ZNF331: variants seen among roughly 807,000 people sequenced by gnomAD.
The protein encoded by ZNF331 is zinc finger protein 331.
ZNF331 carries 2 observed loss-of-function variants against 7.0 expected under a neutral mutation model. The observed-to-expected ratio is 0.29, with a 90% confidence interval of 0.12 to 0.90. The LOEUF (loss-of-function observed/expected upper bound fraction) is 0.90. Ranked by LOEUF, ZNF331 falls within the 40% of genes least tolerant of loss-of-function variation. The probability of loss-of-function intolerance (pLI) is 0.58; values close to 1 mark genes in which losing one functional copy is unlikely to be tolerated. For synonymous variants in ZNF331, 196 were observed against 205.4 expected, an observed-to-expected ratio of 0.95 and a Z score of 0.39; for missense variants, 432 against 587.7, an observed-to-expected ratio of 0.74 and a Z score of 2.74.
At chr19:53,505,852 G>A in the ZNF331 span, among the ~76,000 whole-genome samples, 3 of 151,816 alleles carry the variant, frequency 2.0e-5, no homozygotes, top group African/African-American at 7.3e-5. Flanking sequence ...GGGCGTGGTG[G>A]TGGGCACCTG....
At chr19:53,544,728 T>C (rs1217740522) in intron 2 of ZNF331, among the ~76,000 whole-genome samples, 1 of 151,986 alleles carries the variant, frequency 6.6e-6, no homozygotes, top group South Asian at 2.1e-4. Flanking sequence ...GATACTGTAC[T>C]GCAGTTTTGT....
In ZNF331 at chr19:53,571,179, C is replaced by A. The variant is rs904479029; in HGVS notation, c.10-425C>A. ...TACAGGCGTGAGCCCCCCGCCCAGCCCCAGCAAACCCTATTTTCTAAAATA... is the reference window on the plus strand; with the variant it reads ...TACAGGCGTGAGCCCCCCGCCCAGCACCAGCAAACCCTATTTTCTAAAATA... On this transcript the variant is annotated intron_variant, in intron 4 of 5. Transcript: ENST00000449416. The surrounding 1 kb of genome is among the most constrained non-coding windows in gnomAD (Gnocchi z 4.7). Among the ~76,000 whole-genome samples, 2 of 152,200 alleles carry A rather than the reference C, an allele frequency of 1.3e-5. No homozygotes were observed. Among genetic ancestry groups the A allele is most frequent in the African/African-American group, 2.4e-5 (1 of 41,452 alleles).
the ZNF331 span, among the ~76,000 whole-genome samples, chr19:53,505,406 C>T: frequency 6.6e-6 from 1 of 152,124 alleles, no homozygotes; most frequent in Non-Finnish European, 1.5e-5. Flanking sequence ...GCCATGTTTC[C>T]CAGGCTGGTC....
At chr19:53,524,832 C>T (rs982987671) in intron 2 of ZNF331, among the ~76,000 whole-genome samples, 2 of 152,130 alleles carry the variant, frequency 1.3e-5, no homozygotes, top group African/African-American at 4.8e-5. Context: ...GTCCTGAAGT[C>T]CTTGCCCATG....
At chr19:53,534,041 G>A (rs1295428505), upstream of ZNF331, among the ~76,000 whole-genome samples, 33 of 152,206 alleles carry the variant, frequency 2.2e-4, 1 homozygote, top group Admixed American at 2.2e-3. Flanking sequence ...GGTGGCTCAT[G>A]CCTGTAATAG....
intron 3 of ZNF331, among the ~76,000 whole-genome samples, chr19:53,564,542 A>G (rs181648503): frequency 6.6e-6 from 1 of 152,252 alleles, no homozygotes; most frequent in African/African-American, 2.4e-5. Flanking sequence ...TGGCCTCCCA[A>G]AGCGCTGGGA....
chr19:53,532,242 A>G (rs2087570640), intron 2 of ZNF331, among the ~76,000 whole-genome samples: 2 of 152,076 alleles, frequency 1.3e-5, no homozygotes, highest in African/African-American at 4.8e-5. Flanking sequence ...TCATCTCCCT[A>G]TTCCCACCCC....
upstream of ZNF331, among the ~76,000 whole-genome samples, chr19:53,535,017 CCAAAAAA>C (rs1253906895): frequency 3.5e-5 from 1 of 28,536 alleles, no homozygotes; most frequent in African/African-American, 1.4e-4. Flanking sequence ...AAGCCTGTAA[CCAAAAAA>C]AAAAAAAAAA....
At chr19:53,553,062 C>T (rs540414462) in intron 2 of ZNF331, among the ~76,000 whole-genome samples, 222 of 152,120 alleles carry the variant, frequency 1.5e-3, no homozygotes, top group Non-Finnish European at 2.2e-3. Flanking sequence ...ACCTACCTTC[C>T]TCTCTTAGTA....
intron 3 of ZNF331, among the ~76,000 whole-genome samples, chr19:53,562,715 C>T (rs2089954672): frequency 6.6e-6 from 1 of 150,774 alleles, no homozygotes; most frequent in Non-Finnish European, 1.5e-5. Flanking sequence ...AAACTCCGGG[C>T]ACTGTGGCTC....
chr19:53,530,104 T>A (rs1471635019), intron 2 of ZNF331, among the ~76,000 whole-genome samples: 1 of 152,046 alleles, frequency 6.6e-6, no homozygotes, highest in East Asian at 1.9e-4. Context: ...ACTTGGAAGG[T>A]GAAGTGGGAG....
chr19:53,529,477 G>A (rs1169645118), intron 2 of ZNF331, among the ~76,000 whole-genome samples: 4 of 151,996 alleles, frequency 2.6e-5, no homozygotes, highest in Non-Finnish European at 5.9e-5. Flanking sequence ...TGTCCTAGTT[G>A]TGGTATTACA....
chr19:53,524,732 G>A (rs1337388275), intron 2 of ZNF331, among the ~76,000 whole-genome samples: 1 of 152,102 alleles, frequency 6.6e-6, no homozygotes, highest in Non-Finnish European at 1.5e-5. Flanking sequence ...CCTTCTGATA[G>A]TAGTTTCTTT....
the ZNF331 span, among the ~76,000 whole-genome samples, chr19:53,507,775 G>GA: frequency 6.6e-6 from 1 of 152,160 alleles, no homozygotes; most frequent in Non-Finnish European, 1.5e-5. Context: ...GAGGTAGGCG[G>GA]ATGTCTTCAG....
the ZNF331 span, among the ~76,000 whole-genome samples, chr19:53,508,308 T>C: frequency 1.3e-5 from 2 of 152,136 alleles, no homozygotes; most frequent in East Asian, 3.9e-4. Flanking sequence ...GAGGTTTCAA[T>C]CATGTCACGC....
At position 53,577,206 on chromosome 19, in the gene ZNF331, G is replaced by A. The variant is rs750567539; in HGVS notation, c.646G>A (p.Glu216Lys). 7 of 1,613,952 alleles carry A rather than the reference G, an allele frequency of 4.3e-6. No homozygotes were observed. The East Asian group carries it at 1.6e-4, about 36-fold the overall frequency. The part of the protein sequence containing the change: ...KRIHTGEKPY[E>K]CKDCGKAFRR... ...GATTCATACTGGTGAAAAACCCTAT[G>A]AATGTAAAGACTGTGGAAAGGCCTT... Residue 216 changes from glutamate (E) to lysine (K), a missense_variant, in exon 6 of 6, where the codon GAA becomes AAA. Physicochemically the swap from Glu to Lys is moderately conservative, Grantham distance 56. Around this residue, in one of 3 missense-constraint regions of ZNF331, gnomAD observed 312 missense variants for 448.6 expected, o/e 0.70. Coordinates refer to ENST00000449416, the MANE Select transcript of ZNF331 (RefSeq NM_001079906.2).
intron 3 of ZNF331, among the ~76,000 whole-genome samples, chr19:53,556,127 C>T (rs913222258): frequency 7.9e-5 from 12 of 151,164 alleles, no homozygotes; most frequent in African/African-American, 2.2e-4. Flanking sequence ...CCTGTAGTCC[C>T]AGCTACTCGG....
At chr19:53,530,812 T>G (rs1455995200) in intron 2 of ZNF331, among the ~76,000 whole-genome samples, 3 of 152,224 alleles carry the variant, frequency 2.0e-5, no homozygotes, top group African/African-American at 7.2e-5. Flanking sequence ...GAAGACGCAC[T>G]TGCGTGGGCG....
At chr19:53,512,302 GCA>G in the ZNF331 span, 1 of 153,352 alleles carries the variant, frequency 6.5e-6, no homozygotes, top group Non-Finnish European at 1.5e-5. Flanking sequence ...GCACCATGGT[GCA>G]CAGAGGCCCC....
Sources: allele counts gnomAD v4.1 joint callset (sites outside exome capture counted in the v4.1 genomes callset), GRCh38; gene constraint gnomAD v4.1.1; regional missense constraint gnomAD v4.1.1; non-coding constraint Gnocchi (gnomAD v3.1); transcripts MANE v1.5; gene names NCBI Gene and HGNC (gene_info 2026-07-23, HGNC 2026-07-21).